NEDD4L: variants seen among roughly 807,000 people sequenced by gnomAD.
NEDD4L encodes E3 ubiquitin-protein ligase NEDD4-like.
A neutral mutation model predicts 148.9 loss-of-function variants in NEDD4L; 54 were observed. The observed-to-expected ratio is 0.36, with a 90% CI of 0.29 to 0.45. The LOEUF (loss-of-function observed/expected upper bound fraction) is 0.45. Among genes scored for constraint, NEDD4L ranks in the 20% least tolerant of loss-of-function variants. The pLI is 1.00. For synonymous variants in NEDD4L, 433 were observed against 440.7 expected (o/e 0.98, Z 0.22); for missense variants, 856 against 1,233.8 (o/e 0.69, Z 4.59).
intron 16 of NEDD4L, among the ~76,000 whole-genome samples, chr18:58,349,252 G>A (rs543380820): frequency 6.6e-6 from 1 of 152,210 alleles, no homozygotes; most frequent in South Asian, 2.1e-4. Flanking sequence ...TCACTGCTGG[G>A]ACTCTCTTCC....
intron 4 of NEDD4L, among the ~76,000 whole-genome samples, chr18:58,251,256 T>A (rs555103940): frequency 6.6e-6 from 1 of 152,326 alleles, no homozygotes; most frequent in South Asian, 2.1e-4. Flanking sequence ...CTGGGCACAG[T>A]GGCTCATGCC....
At chr18:58,221,012 G>C (rs577838899) in intron 2 of NEDD4L, among the ~76,000 whole-genome samples, 2 of 152,322 alleles carry the variant, frequency 1.3e-5, no homozygotes, top group South Asian at 4.1e-4. Context: ...CAGATTTACA[G>C]GGCGGGGCTG....
At chr18:58,094,084 C>T (rs1025827458) in intron 1 of NEDD4L, among the ~76,000 whole-genome samples, 1 of 152,142 alleles carries the variant, frequency 6.6e-6, no homozygotes, top group African/African-American at 2.4e-5. Context: ...AATAAAGGCC[C>T]AATTTCCTAG....
intron 2 of NEDD4L, among the ~76,000 whole-genome samples, chr18:58,178,353 A>T (rs1235662788): frequency 6.6e-6 from 1 of 152,218 alleles, no homozygotes; most frequent in East Asian, 1.9e-4. Flanking sequence ...AATACAGCGT[A>T]TGAAGCTTTT....
chr18:58,079,535 T>C (rs2083331524), intron 1 of NEDD4L, among the ~76,000 whole-genome samples: 2 of 151,946 alleles, frequency 1.3e-5, no homozygotes, highest in South Asian at 4.2e-4. Context: ...CTCAGAGAGG[T>C]TGGTGATTTG....
intron 1 of NEDD4L, among the ~76,000 whole-genome samples, chr18:58,107,015 G>T (rs543209174): frequency 6.6e-6 from 1 of 152,278 alleles, no homozygotes; most frequent in Non-Finnish European, 1.5e-5. Context: ...GGAAGTCGAA[G>T]ATCAAAGTGT....
intron 1 of NEDD4L, among the ~76,000 whole-genome samples, chr18:58,095,385 G>T (rs933237061): frequency 1.1e-4 from 17 of 152,336 alleles, no homozygotes; most frequent in Admixed American, 7.8e-4. Context: ...GTGAACAGAT[G>T]GGGGGAAGCC....
chr18:58,284,683 TCTTA>T, intron 5 of NEDD4L, among the ~76,000 whole-genome samples: 1 of 152,376 alleles, frequency 6.6e-6, no homozygotes, highest in Middle Eastern at 3.4e-3. Context: ...AAATATTTAA[TCTTA>T]CTTCTTTGAA....
chr18:58,122,776 C>G (rs1338586701), intron 1 of NEDD4L, among the ~76,000 whole-genome samples: 1 of 151,630 alleles, frequency 6.6e-6, no homozygotes, highest in Non-Finnish European at 1.5e-5. Flanking sequence ...TGCTCTGTTG[C>G]CCAGACTGGA....
intron 1 of NEDD4L, among the ~76,000 whole-genome samples, chr18:58,064,074 C>T (rs2082479216): frequency 6.7e-6 from 1 of 149,376 alleles, no homozygotes; most frequent in African/African-American, 2.5e-5. Flanking sequence ...ATGCCATTCT[C>T]CTGCCTCAGC....
In NEDD4L at chr18:58,390,610, G is replaced by A. The variant is rs758781987; in HGVS notation, c.2656-36G>A. On this transcript the variant is annotated intron_variant, in intron 28 of 30. Coordinates refer to ENST00000400345, the MANE Select transcript of NEDD4L (RefSeq NM_001144967.3). ...GACAGCAGCATGTGCCATGGGTCAC[G>A]TGGGGGGTATAATGACCTTCTGCCT... The A allele has an allele frequency of 2.3e-5, 31 of 1,366,478 alleles. 1 individual carries two copies. The highest frequency in any genetic ancestry group is 2.1e-4 in the Admixed American group (11 of 51,490). 84.6% of individuals were successfully genotyped at this position (1,366,478 alleles called of 1,614,324 possible).
At chr18:58,304,189 G>A (rs2056812597) in intron 5 of NEDD4L, among the ~76,000 whole-genome samples, 4 of 152,034 alleles carry the variant, frequency 2.6e-5, no homozygotes, top group Admixed American at 2.6e-4. Context: ...AGCTCCAAAT[G>A]TTAATGATGC....
intron 28 of NEDD4L, among the ~76,000 whole-genome samples, chr18:58,389,827 TTTTA>T (rs10617839): frequency 0.61 from 91,149 of 150,364 alleles, 27,771 homozygotes; most frequent in African/African-American, 0.67. Context: ...TCAAATTTAT[TTTTA>T]TTTATTTATT....
chr18:58,299,294 C>T (rs928554175), intron 5 of NEDD4L, among the ~76,000 whole-genome samples: 1 of 152,210 alleles, frequency 6.6e-6, no homozygotes, highest in African/African-American at 2.4e-5. Flanking sequence ...GTCTACAGTT[C>T]CCTTAGCAGG....
At chr18:58,336,519 G>A (rs1434500054) in intron 13 of NEDD4L, among the ~76,000 whole-genome samples, 1 of 151,878 alleles carries the variant, frequency 6.6e-6, no homozygotes, top group Non-Finnish European at 1.5e-5. Flanking sequence ...AGAGGTTGTG[G>A]TGAGCTGAGA....
chr18:58,383,368 T>A, intron 25 of NEDD4L, 49 bp downstream of exon 25: 1 of 1,053,552 alleles, frequency 9.5e-7, no homozygotes, highest in Non-Finnish European at 1.4e-6. Context: ...TTGAAATGCA[T>A]GTTTGGTCAC....
intron 2 of NEDD4L, among the ~76,000 whole-genome samples, chr18:58,179,336 A>G (rs1023075314): frequency 1.3e-5 from 2 of 152,200 alleles, no homozygotes; most frequent in African/African-American, 4.8e-5. Flanking sequence ...AAAATATCAG[A>G]AACTGTTCTT....
intron 2 of NEDD4L, among the ~76,000 whole-genome samples, chr18:58,210,568 C>T (rs913448107): frequency 6.6e-6 from 1 of 152,148 alleles, no homozygotes. Context: ...CCTGCCTCAG[C>T]CTCCCAAGTA....
intron 5 of NEDD4L, among the ~76,000 whole-genome samples, chr18:58,278,188 T>C (rs1156945789): frequency 6.6e-6 from 1 of 152,214 alleles, no homozygotes; most frequent in African/African-American, 2.4e-5. Flanking sequence ...TCAGATAGGC[T>C]TTCTCTCCAC....
Sources: allele counts gnomAD v4.1 joint callset (sites outside exome capture counted in the v4.1 genomes callset), GRCh38; gene constraint gnomAD v4.1.1; transcripts MANE v1.5; gene names NCBI Gene and HGNC (gene_info 2026-07-23, HGNC 2026-07-21).